Variants in MOB3B observed in about 807,000 individuals in gnomAD.
The protein encoded by MOB3B is MOB kinase activator 3B.
Under a neutral mutation model 18.7 loss-of-function variants are expected in MOB3B, and 7 were observed. The ratio of observed to expected loss-of-function variants is 0.37; its 90% CI spans 0.21 to 0.70. The LOEUF is 0.70. MOB3B is among the 30% of genes least tolerant of loss of function. The probability of loss-of-function intolerance (pLI) is 0.52; values close to 1 mark genes in which losing one functional copy is unlikely to be tolerated. For synonymous variants in MOB3B, 111 were observed against 99.9 expected (o/e 1.11, Z -0.66); for missense variants, 253 against 281.3 (o/e 0.90, Z 0.72).
At chr9:27,434,832 C>T (rs1822473143) in intron 2 of MOB3B, among the ~76,000 whole-genome samples, 1 of 152,154 alleles carries the variant, frequency 6.6e-6, no homozygotes. Context: ...ATCTGGGCCA[C>T]TGCAAAGGGC....
At chr9:27,369,415 T>C (rs1446594009) in intron 2 of MOB3B, among the ~76,000 whole-genome samples, 1 of 152,370 alleles carries the variant, frequency 6.6e-6, no homozygotes. Context: ...GCTCACCTCC[T>C]GCCTAGTTTA....
At chr9:27,330,989 G>A (rs1222132974) in intron 3 of MOB3B, among the ~76,000 whole-genome samples, 1 of 152,156 alleles carries the variant, frequency 6.6e-6, no homozygotes, top group African/African-American at 2.4e-5. Flanking sequence ...CTTCCCAGCA[G>A]GAGCCATGTA....
intron 3 of MOB3B, among the ~76,000 whole-genome samples, chr9:27,357,146 G>GTATATATATATATATATATATATATA (rs201108645): frequency 8.9e-4 from 43 of 48,066 alleles, no homozygotes; most frequent in Non-Finnish European, 1.3e-3. Context: ...ATATATATAT[G>GTATATATATATATATATATATATATA]TGTTTTTTTT....
intron 1 of MOB3B, chr9:27,524,349 C>T (rs185197750): frequency 2.5e-6 from 4 of 1,611,382 alleles, no homozygotes; most frequent in Non-Finnish European, 3.4e-6. Context: ...GAGCACCAAA[C>T]CTGATATGAT....
intron 3 of MOB3B, among the ~76,000 whole-genome samples, chr9:27,344,858 C>T (rs111936112): frequency 5.9e-5 from 9 of 152,234 alleles, no homozygotes; most frequent in African/African-American, 1.9e-4. Context: ...CCCCACAGTG[C>T]GGTTTCTGAA....
At position 27,359,123 on chromosome 9, in the gene MOB3B, CACCCATCACAATG is replaced by C; in HGVS notation, c.519_531del (p.Ile174GlnfsTer19). The C allele has an allele frequency of 6.2e-7, 1 of 1,614,144 alleles. No homozygotes were observed. The highest frequency in any genetic ancestry group is 8.5e-7 in the Non-Finnish European group (1 of 1,180,036). ...TAGCAGGTGTTGACATGGGCCTCTG[CACCCATCACAATG>C]ACCCGGTCGAAGTGGTGGATATAGA... On this transcript the variant is annotated frameshift_variant, in exon 3 of 4. Coordinates refer to ENST00000262244, the MANE Select transcript of MOB3B (RefSeq NM_024761.5). LOFTEE classifies it high-confidence loss of function.
intron 1 of MOB3B, among the ~76,000 whole-genome samples, chr9:27,475,869 C>A (rs1395876457): frequency 6.6e-6 from 1 of 152,192 alleles, no homozygotes; most frequent in Non-Finnish European, 1.5e-5. Context: ...TTACAGCTGC[C>A]ATTGACTGGG....
intron 1 of MOB3B, among the ~76,000 whole-genome samples, chr9:27,503,352 C>T (rs980816662): frequency 1.3e-5 from 2 of 152,194 alleles, no homozygotes; most frequent in Non-Finnish European, 2.9e-5. Context: ...AGCCCAAATG[C>T]CCGAAAAGGG....
At chr9:27,483,471 T>G (rs1819693903) in intron 1 of MOB3B, among the ~76,000 whole-genome samples, 2 of 152,228 alleles carry the variant, frequency 1.3e-5, no homozygotes, top group Admixed American at 6.5e-5. Context: ...CTAACAAATT[T>G]CAATAACATT....
At chr9:27,514,243 G>A (rs1441025456) in intron 1 of MOB3B, among the ~76,000 whole-genome samples, 6 of 149,802 alleles carry the variant, frequency 4.0e-5, no homozygotes. Context: ...AATATTTGGA[G>A]GCATAAGGCT....
intron 1 of MOB3B, among the ~76,000 whole-genome samples, chr9:27,485,390 T>C (rs1352749335): frequency 6.6e-6 from 1 of 152,198 alleles, no homozygotes; most frequent in Non-Finnish European, 1.5e-5. Flanking sequence ...CTCTGCTGGC[T>C]CTAAAGCCTA....
At chr9:27,416,502 C>A (rs1276746234) in intron 2 of MOB3B, among the ~76,000 whole-genome samples, 1 of 148,584 alleles carries the variant, frequency 6.7e-6, no homozygotes, top group African/African-American at 2.5e-5. Context: ...CTTTAGATAT[C>A]ATTTGGAGGT....
At chr9:27,377,339 A>G (rs896733075) in intron 2 of MOB3B, among the ~76,000 whole-genome samples, 2 of 152,186 alleles carry the variant, frequency 1.3e-5, no homozygotes, top group African/African-American at 2.4e-5. Flanking sequence ...AAATACATGA[A>G]TCTCCCAGGA....
intron 2 of MOB3B, among the ~76,000 whole-genome samples, chr9:27,368,547 G>A (rs1350686239): frequency 6.6e-6 from 1 of 152,106 alleles, no homozygotes; most frequent in Non-Finnish European, 1.5e-5. Flanking sequence ...CTGTGTAGCA[G>A]GACTTTGTTC....
At chr9:27,358,396 A>G (rs1382918655) in intron 3 of MOB3B, among the ~76,000 whole-genome samples, 1 of 152,240 alleles carries the variant, frequency 6.6e-6, no homozygotes, top group Non-Finnish European at 1.5e-5. Context: ...GCTTTTGAAG[A>G]AAATAAAAGT....
chr9:27,332,299 A>C (rs1199794701), intron 3 of MOB3B, among the ~76,000 whole-genome samples: 5 of 152,204 alleles, frequency 3.3e-5, no homozygotes, highest in Admixed American at 3.3e-4. Flanking sequence ...CTTTTGGCTT[A>C]ACTCTTGATG....
Position 27,401,238 on chromosome 9 carries a change from C to T in MOB3B, c.419-42002G>A, listed in dbSNP as rs370217980. 4.6e-5 allele frequency among the ~76,000 whole-genome samples: 7 copies of T among 152,374 alleles called. No individual in the cohort carries two copies. In the South Asian group the frequency reaches 1.4e-3, roughly 32 times the overall value. On this transcript the variant is annotated intron_variant, in intron 2 of 3. Coordinates refer to ENST00000262244, the MANE Select transcript of MOB3B (RefSeq NM_024761.5). ...CACATTCTGTGAGACTTCACTCCCT[C>T]CTCATTTGACACATAGATGAGCCCC... is the stretch of plus-strand genomic sequence containing the variant.
At chr9:27,355,601 C>T (rs1332368987) in intron 3 of MOB3B, among the ~76,000 whole-genome samples, 5 of 150,530 alleles carry the variant, frequency 3.3e-5, no homozygotes, top group Non-Finnish European at 5.9e-5. Context: ...GCTCTTTTGC[C>T]CAGGCCGGAC....
intron 2 of MOB3B, among the ~76,000 whole-genome samples, chr9:27,385,994 C>T (rs1821646474): frequency 6.6e-6 from 1 of 152,232 alleles, no homozygotes. Context: ...GATCTGCAAC[C>T]TGCTGAGCAC....
Sources: allele counts gnomAD v4.1 joint callset (sites outside exome capture counted in the v4.1 genomes callset), GRCh38; gene constraint gnomAD v4.1.1; transcripts MANE v1.5; gene names NCBI Gene and HGNC (gene_info 2026-07-23, HGNC 2026-07-21).